The following SLX4IP variants were observed in gnomAD, a reference collection of about 807,000 sequenced individuals.
The protein encoded by SLX4IP is SLX4 interacting protein.
Under a neutral mutation model 32.9 loss-of-function variants are expected in SLX4IP, and 34 were observed. The ratio of observed to expected loss-of-function variants is 1.03; its 90% CI spans 0.79 to 1.38. The LOEUF (loss-of-function observed/expected upper bound fraction) is 1.38. SLX4IP is among the 40% of genes most tolerant of loss of function. The pLI, the probability that SLX4IP is intolerant of heterozygous loss-of-function variation, is 0.00. For synonymous variants in SLX4IP, 172 were observed against 171.7 expected, an observed-to-expected ratio of 1.00 and a Z score of -0.01; for missense variants, 444 against 479.0, an observed-to-expected ratio of 0.93 and a Z score of 0.68.
rs1326362017 is a variant in SLX4IP, at chr20:10,623,077, G to A, written c.925G>A (p.Gly309Arg). Reference protein sequence around the residue: ...CSSAEDFDHHGRVSLGSDRLV... With the variant: ...CSSAEDFDHHRRVSLGSDRLV... ...CTCTGCGGAAGACTTCGACCACCAC[G>A]GGAGAGTTTCTCTTGGAAGTGATCG... Residue 309 changes from glycine to arginine, a missense_variant, in exon 8 of 8, where the codon GGG becomes AGG. Coordinates refer to ENST00000334534, the MANE Select transcript of SLX4IP (RefSeq NM_001009608.3). The A allele has an allele frequency of 9.9e-6, 16 of 1,614,132 alleles. No individual in the cohort carries two copies. Among genetic ancestry groups the A allele is most frequent in the Middle Eastern group, 1.6e-4 (1 of 6,062 alleles).
intron 2 of SLX4IP, among the ~76,000 whole-genome samples, chr20:10,493,092 C>G (rs1194656151): frequency 6.6e-6 from 1 of 152,162 alleles, no homozygotes; most frequent in East Asian, 1.9e-4. Flanking sequence ...GTGTGAGCCA[C>G]TGCCCCTGGT....
intron 2 of SLX4IP, among the ~76,000 whole-genome samples, chr20:10,481,742 A>T (rs2065523214): frequency 6.6e-6 from 1 of 152,216 alleles, no homozygotes; most frequent in Non-Finnish European, 1.5e-5. Context: ...TTAGACATAC[A>T]GGCATAGCTT....
At chr20:10,473,300 G>C (rs1207282691) in intron 2 of SLX4IP, among the ~76,000 whole-genome samples, 1 of 152,216 alleles carries the variant, frequency 6.6e-6, no homozygotes, top group African/African-American at 2.4e-5. Flanking sequence ...TAGGAGAAAA[G>C]AAAATCTCTG....
chr20:10,467,655 G>T (rs955592552), intron 2 of SLX4IP, among the ~76,000 whole-genome samples: 1 of 152,160 alleles, frequency 6.6e-6, no homozygotes, highest in Non-Finnish European at 1.5e-5. Context: ...CTATTGCTTT[G>T]CTCATGCTGG....
chr20:10,622,609 CA>C, intron 7 of SLX4IP, 49 bp from the exon 8 acceptor site: 1 of 1,541,082 alleles, frequency 6.5e-7, no homozygotes, highest in South Asian at 1.2e-5. Flanking sequence ...CTGGAGGAAA[CA>C]GTGCAGTGAC....
rs2066372581 is a variant in SLX4IP at position 10,564,846 on chromosome 20, C to T, written c.238+4026C>T. On this transcript the variant is annotated intron_variant, in intron 4 of 7. Transcript: ENST00000334534. ...GTCAATTCCCATCAATTCTGCCTCA[C>T]TAATGTTTTTTCCTCTTAACCTTGC... is the stretch of plus-strand genomic sequence containing the variant. Among the ~76,000 whole-genome samples, 3 of 152,186 alleles carry T rather than the reference C, an allele frequency of 2.0e-5. No individual in the cohort carries two copies. In the South Asian group the frequency reaches 6.2e-4, roughly 31 times the overall value.
At chr20:10,536,015 G>A (rs943209806) in intron 2 of SLX4IP, among the ~76,000 whole-genome samples, 2 of 152,162 alleles carry the variant, frequency 1.3e-5, no homozygotes, top group African/African-American at 4.8e-5. Context: ...AGAAATGAGC[G>A]CCGGAGACTC....
intron 1 of SLX4IP, among the ~76,000 whole-genome samples, chr20:10,438,846 T>A (rs1732794532): frequency 6.6e-6 from 1 of 151,872 alleles, no homozygotes; most frequent in Non-Finnish European, 1.5e-5. Flanking sequence ...CTGGCTTCTT[T>A]CATCATCATC....
intron 1 of SLX4IP, among the ~76,000 whole-genome samples, chr20:10,450,912 C>T (rs915964048): frequency 5.3e-5 from 8 of 151,380 alleles, no homozygotes; most frequent in Admixed American, 4.6e-4. Context: ...CCACTACGCC[C>T]GGGTAATTTT....
chr20:10,536,518 CATGT>C (rs1488613804), intron 2 of SLX4IP, among the ~76,000 whole-genome samples: 1 of 152,220 alleles, frequency 6.6e-6, no homozygotes, highest in East Asian at 1.9e-4. Context: ...TGTTTCTTTG[CATGT>C]GTGACACTCA....
intron 2 of SLX4IP, among the ~76,000 whole-genome samples, chr20:10,490,245 TTA>T (rs796784119): frequency 3.2e-4 from 49 of 152,266 alleles, no homozygotes; most frequent in African/African-American, 1.0e-3. Flanking sequence ...ATAAAATTCT[TTA>T]TGAGTATTTA....
intron 2 of SLX4IP, among the ~76,000 whole-genome samples, chr20:10,539,820 G>A (rs2066083268): frequency 6.6e-6 from 1 of 152,068 alleles, no homozygotes; most frequent in Non-Finnish European, 1.5e-5. Flanking sequence ...CCGAGAGTCT[G>A]ATTTGATTTC....
In SLX4IP at chr20:10,623,008, A is replaced by G; in HGVS notation, c.856A>G (p.Ser286Gly). ...CESASPCPKQ[S>G]PRVAKTQQKR... ...GTCAGCATCACCATGTCCAAAACAA[A>G]GTCCACGAGTGGCCAAAACCCAACA... Residue 286 changes from serine (S) to glycine (G), a missense_variant, in exon 8 of 8, where the codon AGT becomes GGT. Physicochemically the swap from Ser to Gly is moderately conservative, Grantham distance 56 (BLOSUM62 0). Transcript: ENST00000334534. 6.2e-7 allele frequency: 1 copy of G among 1,614,240 alleles called. No homozygotes were observed. Among genetic ancestry groups the G allele is most frequent in the Non-Finnish European group, 8.5e-7 (1 of 1,180,044 alleles).
At chr20:10,614,824 T>C (rs1300727499) in intron 6 of SLX4IP, among the ~76,000 whole-genome samples, 1 of 152,140 alleles carries the variant, frequency 6.6e-6, no homozygotes, top group Non-Finnish European at 1.5e-5. Context: ...TCTTCCAAAG[T>C]GGTGTTGTCT....
chr20:10,442,145 T>C (rs1479971349), intron 1 of SLX4IP, among the ~76,000 whole-genome samples: 1 of 152,216 alleles, frequency 6.6e-6, no homozygotes, highest in Non-Finnish European at 1.5e-5. Context: ...TAATTTCTGG[T>C]CTATTTAATG....
At chr20:10,478,830 G>C (rs745553552) in intron 2 of SLX4IP, among the ~76,000 whole-genome samples, 8 of 152,150 alleles carry the variant, frequency 5.3e-5, no homozygotes, top group Non-Finnish European at 7.4e-5. Flanking sequence ...ACTCTTCTAA[G>C]CTCTTCTAGA....
At chr20:10,522,508 T>A (rs980259636) in intron 2 of SLX4IP, among the ~76,000 whole-genome samples, 2 of 152,246 alleles carry the variant, frequency 1.3e-5, no homozygotes, top group East Asian at 3.9e-4. Flanking sequence ...AAGAGAAGCA[T>A]TTAGGAGGGA....
intron 4 of SLX4IP, among the ~76,000 whole-genome samples, chr20:10,575,630 C>G (rs549563415): frequency 5.4e-5 from 8 of 148,382 alleles, no homozygotes; most frequent in Non-Finnish European, 1.2e-4. Flanking sequence ...ATAGTGGGAA[C>G]TGTTTACCTT....
intron 2 of SLX4IP, among the ~76,000 whole-genome samples, chr20:10,515,484 C>T (rs2065842608): frequency 6.6e-6 from 1 of 152,138 alleles, no homozygotes; most frequent in African/African-American, 2.4e-5. Context: ...AGTATTAAAA[C>T]AAGGATAAAG....
Sources: allele counts gnomAD v4.1 joint callset (sites outside exome capture counted in the v4.1 genomes callset), GRCh38; gene constraint gnomAD v4.1.1; transcripts MANE v1.5; gene names NCBI Gene and HGNC (gene_info 2026-07-23, HGNC 2026-07-21).